The following SPTSSA variants were observed in gnomAD, a reference collection of about 807,000 sequenced individuals.
SPTSSA encodes the protein small subunit of serine palmitoyltransferase A.
In SPTSSA, 8 loss-of-function variants were observed where a neutral mutation model predicts 9.1. The observed-to-expected ratio is 0.88, with a 90% CI of 0.51 to 1.58. SPTSSA has a LOEUF of 1.58. Ranked by LOEUF, SPTSSA falls within the 40% of genes most tolerant of loss-of-function variation. The pLI is 0.00. For synonymous variants in SPTSSA, 42 were observed against 37.7 expected (o/e 1.11, Z -0.41); for missense variants, 100 against 93.8 (o/e 1.07, Z -0.27).
rs745563026 is a variant in SPTSSA at position 34,462,224 on chromosome 14, A to C, written c.-17T>G. Reference sequence around the variant, plus strand: ...CCCCGCCATGCGCCTCCCGCGATGCAGCTCACACGTCAGTCTGTCCGGCCG... The same window carrying C: ...CCCCGCCATGCGCCTCCCGCGATGCCGCTCACACGTCAGTCTGTCCGGCCG... On this transcript the variant is annotated 5_prime_UTR_variant, in exon 1 of 2. Coordinates refer to ENST00000298130, the MANE Select transcript of SPTSSA (RefSeq NM_138288.4). 158 of 1,505,580 alleles carry C rather than the reference A, an allele frequency of 1.0e-4. No homozygotes were observed. The highest frequency in any genetic ancestry group is 1.4e-4 in the Non-Finnish European group (157 of 1,116,048). 93.3% of individuals were successfully genotyped at this position (1,505,580 alleles called of 1,614,324 possible).
At chr14:34,439,649 T>C (rs1208539751) in intron 1 of SPTSSA, among the ~76,000 whole-genome samples, 1 of 152,168 alleles carries the variant, frequency 6.6e-6, no homozygotes, top group Non-Finnish European at 1.5e-5. Context: ...AACAACATTA[T>C]ATATTTCCAT....
At chr14:34,450,317 T>C (rs1883497045) in intron 1 of SPTSSA, among the ~76,000 whole-genome samples, 1 of 152,284 alleles carries the variant, frequency 6.6e-6, no homozygotes, top group Middle Eastern at 3.4e-3. Context: ...TAAAATGAGG[T>C]CCTTTCTTTC....
At chr14:34,436,585 TAAAC>T (rs1162977606) in intron 1 of SPTSSA, among the ~76,000 whole-genome samples, 7 of 152,344 alleles carry the variant, frequency 4.6e-5, no homozygotes, top group Middle Eastern at 3.4e-3. Context: ...AGGGTTTAAA[TAAAC>T]AATGTGCTTA....
At chr14:34,443,171 G>GTGTGTGTTTT (rs775781106) in intron 1 of SPTSSA, among the ~76,000 whole-genome samples, 3 of 62,126 alleles carry the variant, frequency 4.8e-5, no homozygotes, top group East Asian at 1.1e-3. Context: ...GTGTGTGTGT[G>GTGTGTGTTTT]TTTTGAGATT....
At chr14:34,455,394 A>G (rs1255938650) in intron 1 of SPTSSA, among the ~76,000 whole-genome samples, 1 of 151,102 alleles carries the variant, frequency 6.6e-6, no homozygotes. Context: ...CAAAAAAAGA[A>G]AAAAAAAAGG....
intron 1 of SPTSSA, among the ~76,000 whole-genome samples, chr14:34,458,140 A>C (rs1878528469): frequency 6.6e-6 from 1 of 152,130 alleles, no homozygotes; most frequent in Non-Finnish European, 1.5e-5. Context: ...CACATCTTAA[A>C]ATCTTTTTTA....
At chr14:34,443,355 A>AGAGT (rs1437143690) in intron 1 of SPTSSA, among the ~76,000 whole-genome samples, 1 of 6,264 alleles carries the variant, frequency 1.6e-4, no homozygotes, top group Non-Finnish European at 3.3e-4. Flanking sequence ...GGAGGGTGTG[A>AGAGT]GTGTGTGTGT....
At position 34,451,534 on chromosome 14, in the gene SPTSSA, T is replaced by C. The variant is rs190973413; in HGVS notation, c.112+10562A>G. Among the ~76,000 whole-genome samples, 488 of 151,872 alleles carry C rather than the reference T, an allele frequency of 3.2e-3. 3 individuals are homozygous for C. Among genetic ancestry groups the C allele is most frequent in the Middle Eastern group, 0.017 (5 of 294 alleles). ...GTCAGGAGATCGAGACCGTCCTGGC[T>C]AACACGGTGAAACCCCGTCTCTACT... is the stretch of plus-strand genomic sequence containing the variant. On this transcript the variant is annotated intron_variant, in intron 1 of 1. Transcript: ENST00000298130.
intron 1 of SPTSSA, among the ~76,000 whole-genome samples, chr14:34,451,647 C>CT (rs1358728146): frequency 6.8e-6 from 1 of 146,430 alleles, no homozygotes; most frequent in Non-Finnish European, 1.5e-5. Flanking sequence ...GGCGTGAACT[C>CT]GGGAGGCGGA....
intron 1 of SPTSSA, among the ~76,000 whole-genome samples, chr14:34,461,519 T>C (rs562181977): frequency 7.9e-5 from 12 of 152,296 alleles, no homozygotes; most frequent in South Asian, 6.2e-4. Flanking sequence ...AAGCAATAAA[T>C]ACACTTTTAA....
intron 1 of SPTSSA, among the ~76,000 whole-genome samples, chr14:34,459,394 A>AG (rs57577160): frequency 0.29 from 42,354 of 148,108 alleles, 7,850 homozygotes; most frequent in African/African-American, 0.53. Context: ...CGGGATGCAA[A>AG]GTTGCAGTGA....
chr14:34,438,437 A>C (rs1161933185), intron 1 of SPTSSA, among the ~76,000 whole-genome samples: 2 of 152,002 alleles, frequency 1.3e-5, no homozygotes, highest in Non-Finnish European at 2.9e-5. Flanking sequence ...CAGACTTTTC[A>C]TTTTCAGATT....
intron 1 of SPTSSA, among the ~76,000 whole-genome samples, chr14:34,444,844 C>G (rs544562725): frequency 6.6e-6 from 1 of 152,150 alleles, no homozygotes; most frequent in Non-Finnish European, 1.5e-5. Flanking sequence ...CCTGTAATCC[C>G]AACACTTTGA....
chr14:34,451,121 C>CAT (rs1365165946), intron 1 of SPTSSA, among the ~76,000 whole-genome samples: 1 of 149,714 alleles, frequency 6.7e-6, no homozygotes, highest in Non-Finnish European at 1.5e-5. Flanking sequence ...AAATACAGTA[C>CAT]ATTAGAAACA....
At chr14:34,445,517 A>T (rs1241913902) in intron 1 of SPTSSA, among the ~76,000 whole-genome samples, 2 of 146,534 alleles carry the variant, frequency 1.4e-5, no homozygotes, top group African/African-American at 5.5e-5. Flanking sequence ...ATAAATAAAT[A>T]AAATAAAATA....
intron 1 of SPTSSA, among the ~76,000 whole-genome samples, chr14:34,439,113 C>G (rs1051356913): frequency 3.3e-5 from 5 of 152,116 alleles, no homozygotes; most frequent in Admixed American, 2.0e-4. Context: ...GTCTCAGCTC[C>G]CACAGGGCAC....
intron 1 of SPTSSA, among the ~76,000 whole-genome samples, chr14:34,451,079 C>A (rs1883512199): frequency 6.7e-6 from 1 of 149,438 alleles, no homozygotes; most frequent in Non-Finnish European, 1.5e-5. Flanking sequence ...AAAAAAAAGT[C>A]CTATAATAAA....
chr14:34,436,753 A>T (rs1388994829), intron 1 of SPTSSA, among the ~76,000 whole-genome samples: 1 of 152,180 alleles, frequency 6.6e-6, no homozygotes, highest in Non-Finnish European at 1.5e-5. Context: ...AGGGCCATAC[A>T]GGAAGCTGTC....
At chr14:34,458,433 C>T (rs1457657542) in intron 1 of SPTSSA, among the ~76,000 whole-genome samples, 1 of 152,092 alleles carries the variant, frequency 6.6e-6, no homozygotes, top group Non-Finnish European at 1.5e-5. Flanking sequence ...ATCTGCCCAC[C>T]GCGGCCTCCC....
Sources: gnomAD v4.1 joint callset for allele counts (sites outside exome capture counted in the v4.1 genomes callset) on GRCh38, gnomAD v4.1.1 for gene constraint, MANE v1.5 for transcripts, NCBI Gene and HGNC (gene_info 2026-07-23, HGNC 2026-07-21) for gene names.